The following DRC1 variants were observed in gnomAD, a reference collection of about 807,000 sequenced individuals.
The protein encoded by DRC1 is dynein regulatory complex protein 1.
DRC1 carries 74 observed loss-of-function variants against 98.7 expected under a neutral mutation model. That is an observed-to-expected ratio of 0.75 (90% CI 0.62 to 0.91). DRC1 has a LOEUF of 0.91. Ranked by LOEUF, DRC1 falls within the 40% of genes least tolerant of loss-of-function variation. The probability of loss-of-function intolerance (pLI) is 0.00; values close to 1 mark genes in which losing one functional copy is unlikely to be tolerated. For missense variants in DRC1, 875 were observed against 886.0 expected, an observed-to-expected ratio of 0.99 and a Z score of 0.16; for synonymous variants, 336 against 334.1, an observed-to-expected ratio of 1.01 and a Z score of -0.06.
In DRC1 at chr2:26,440,451, A is replaced by G; in HGVS notation, c.962A>G (p.Gln321Arg). The change falls in exon 8 of 17, where the codon CAG (glutamine) becomes CGG (arginine). Residue 321 changes from glutamine to arginine, a missense_variant. Coordinates refer to ENST00000288710, the MANE Select transcript of DRC1 (RefSeq NM_145038.5). ...LNQEKLEYNL[Q>R]VLKKRDEEST... ...CAAGAGAAATTAGAGTACAACTTGC[A>G]GGTGCTGAAGAAGAGAGATGAAGAA... is the stretch of plus-strand genomic sequence containing the variant. 6.2e-7 allele frequency: 1 copy of G among 1,613,446 alleles called. No homozygotes were observed. Among genetic ancestry groups the G allele is most frequent in the African/African-American group, 1.3e-5 (1 of 74,984 alleles).
intron 11 of DRC1, 59 bp downstream of exon 11, chr2:26,448,862 C>G: frequency 6.5e-7 from 1 of 1,548,008 alleles, no homozygotes; most frequent in Non-Finnish European, 8.9e-7. Flanking sequence ...GTTCTGAGGC[C>G]TCTGCTGGGC....
chr2:26,421,452 G>A, intron 3 of DRC1, 52 bp downstream of exon 3: 1 of 1,499,526 alleles, frequency 6.7e-7, no homozygotes, highest in South Asian at 1.2e-5. Flanking sequence ...ATCTCCATGG[G>A]TCCGGCAGTT....
At chr2:26,449,938 C>T in intron 11 of DRC1, 58 bp from the exon 12 acceptor site, 2 of 1,529,880 alleles carry the variant, frequency 1.3e-6, no homozygotes, top group East Asian at 2.3e-5. Flanking sequence ...GCTGCAGACC[C>T]TGGGACTCGC....
rs769072834 is a variant in DRC1 at position 26,424,439 on chromosome 2, C to T, written c.525C>T (p.Ile175=). The T allele has an allele frequency of 6.2e-7, 1 of 1,607,536 alleles. No individual in the cohort carries two copies. The highest frequency in any genetic ancestry group is 1.1e-5 in the South Asian group (1 of 90,812). ...TCTTAGAAGATAAGAATAAACTCAT[C>T]AGCGAGTTACAGCAGGCAAGAGGCC... is the stretch of plus-strand genomic sequence containing the variant. ...AGLLEDKNKL[I]SELQQELKTK... The change falls in exon 4 of 17, where the codon ATC becomes ATT. Residue 175 remains isoleucine (I), a synonymous_variant. Coordinates refer to ENST00000288710, the MANE Select transcript of DRC1 (RefSeq NM_145038.5).
At chr2:26,436,382 C>T (rs574396046) in intron 7 of DRC1, among the ~76,000 whole-genome samples, 70 of 152,284 alleles carry the variant, frequency 4.6e-4, no homozygotes, top group Middle Eastern at 3.4e-3. Flanking sequence ...GATCTCGGCT[C>T]ACTGCAGCCT....
chr2:26,427,148 G>T (rs142924848), intron 4 of DRC1, among the ~76,000 whole-genome samples: 1 of 151,668 alleles, frequency 6.6e-6, no homozygotes, highest in African/African-American at 2.4e-5. Flanking sequence ...ACAGAGTCTC[G>T]CTCTGTCACC....
Position 26,432,008 on chromosome 2 carries a change from T to C in DRC1, c.888+2T>C. ...ATCAAGCTGGAGCAGGATGTGCAGG[T>C]GCAACAGCTGGTCCTCACTAGGGTG... is the stretch of plus-strand genomic sequence containing the variant. On this transcript the variant is annotated splice_donor_variant, in intron 7 of 16. Coordinates refer to ENST00000288710, the MANE Select transcript of DRC1 (RefSeq NM_145038.5). LOFTEE classifies it high-confidence loss of function. 1 of 1,613,546 alleles carries C rather than the reference T, an allele frequency of 6.2e-7. No homozygotes were observed. Among genetic ancestry groups the C allele is most frequent in the Non-Finnish European group, 8.5e-7 (1 of 1,179,674 alleles).
rs565631937 is a variant in DRC1, at chr2:26,421,855, C to T, written c.356+455C>T. On this transcript the variant is annotated intron_variant, in intron 3 of 16. Coordinates refer to ENST00000288710, the MANE Select transcript of DRC1 (RefSeq NM_145038.5). ...AATTACAGGCGTGAGCCACCGCGCC[C>T]GGCTATCTCATCTCTTTTCTTTCCT... 3.3e-4 allele frequency among the ~76,000 whole-genome samples: 51 copies of T among 152,268 alleles called. 1 individual carries two copies. The South Asian group carries it at 0.01, about 31-fold the overall frequency.
intron 3 of DRC1, among the ~76,000 whole-genome samples, chr2:26,422,690 C>T (rs568434217): frequency 7.0e-4 from 106 of 152,148 alleles, no homozygotes; most frequent in Non-Finnish European, 1.1e-3. Context: ...CCGAGGAAGG[C>T]GGATTGCTTG....
chr2:26,417,529 A>G lies in DRC1; in HGVS notation c.243+3098A>G, dbSNP rs552695155. On this transcript the variant is annotated intron_variant, in intron 2 of 16. Transcript: ENST00000288710. ...TTCTTACCGGAGACGGGATTTCACC[A>G]TGTTGGCCAGGCTGGTCTCCAACTC... is the stretch of plus-strand genomic sequence containing the variant. 1.5e-3 allele frequency among the ~76,000 whole-genome samples: 224 copies of G among 152,078 alleles called. 1 individual carries two copies. The highest frequency in any genetic ancestry group is 5.2e-3 in the African/African-American group (215 of 41,474).
rs3795958 is a variant in DRC1 at position 26,444,262 on chromosome 2, A to G, written c.1069A>G (p.Lys357Glu). 0.17 allele frequency: 273,783 copies of G among 1,614,000 alleles called. 24,958 individuals carry two copies. Among genetic ancestry groups the G allele is most frequent in the Admixed American group, 0.21 (12,877 of 59,974 alleles). The change falls in exon 9 of 17, where the codon AAG becomes GAG. Residue 357 changes from lysine (K) to glutamate (E), a missense_variant. Coordinates refer to ENST00000288710, the MANE Select transcript of DRC1 (RefSeq NM_145038.5). ...TAACAATCTGAGATCAAAATATGCC[A>G]AGCAAATAAAGCAGTTTCAGGAGGA... is the stretch of plus-strand genomic sequence containing the variant. ...ILNNLRSKYA[K>E]QIKQFQEENQ...
intron 3 of DRC1, among the ~76,000 whole-genome samples, chr2:26,423,835 A>G (rs1663212656): frequency 1.3e-5 from 2 of 152,222 alleles, no homozygotes; most frequent in Admixed American, 1.3e-4. Flanking sequence ...AGAAGAGAAA[A>G]GTGAGGCTTG....
chr2:26,404,734 G>T (rs1678364288), intron 1 of DRC1, among the ~76,000 whole-genome samples: 1 of 152,172 alleles, frequency 6.6e-6, no homozygotes, highest in Admixed American at 6.5e-5. Context: ...ATAGGCCAAG[G>T]AGTGGAGTTT....
intron 1 of DRC1, among the ~76,000 whole-genome samples, chr2:26,404,934 C>T (rs145010675): frequency 2.6e-5 from 4 of 152,310 alleles, no homozygotes; most frequent in African/African-American, 9.6e-5. Flanking sequence ...TGTTCTAATC[C>T]TAAACATTTC....
chr2:26,407,200 A>C (rs1199272608), intron 1 of DRC1, among the ~76,000 whole-genome samples: 1 of 152,080 alleles, frequency 6.6e-6, no homozygotes, highest in Non-Finnish European at 1.5e-5. Context: ...ACTCCATTAA[A>C]ATGATATTTA....
chr2:26,433,207 T>C (rs755002928), intron 7 of DRC1, among the ~76,000 whole-genome samples: 19 of 152,214 alleles, frequency 1.2e-4, no homozygotes, highest in Non-Finnish European at 2.5e-4. Context: ...AAAAAATGTA[T>C]CTCTAATTAC....
intron 1 of DRC1, among the ~76,000 whole-genome samples, chr2:26,411,420 G>A (rs1299001290): frequency 6.6e-6 from 1 of 152,156 alleles, no homozygotes; most frequent in Non-Finnish European, 1.5e-5. Flanking sequence ...CATCTAGAGT[G>A]TATTTTACAC....
At chr2:26,423,654 A>G (rs1302330029) in intron 3 of DRC1, among the ~76,000 whole-genome samples, 1 of 152,206 alleles carries the variant, frequency 6.6e-6, no homozygotes, top group Admixed American at 6.5e-5. Context: ...GTAACTTGGG[A>G]GAGGAGTAGC....
At chr2:26,438,153 A>G (rs988104045) in intron 7 of DRC1, among the ~76,000 whole-genome samples, 3 of 152,002 alleles carry the variant, frequency 2.0e-5, no homozygotes, top group Non-Finnish European at 4.4e-5. Flanking sequence ...AACTTTACTA[A>G]CATGGAAAAT....
Sources: gnomAD v4.1 joint callset for allele counts (sites outside exome capture counted in the v4.1 genomes callset) on GRCh38, gnomAD v4.1.1 for gene constraint, MANE v1.5 for transcripts, NCBI Gene and HGNC (gene_info 2026-07-23, HGNC 2026-07-21) for gene names.